The following DCLRE1A variants were observed in gnomAD, a reference collection of about 807,000 sequenced individuals.
DCLRE1A encodes the protein DNA cross-link repair 1A protein.
Under a neutral mutation model 91.9 loss-of-function variants are expected in DCLRE1A, and 64 were observed. The observed-to-expected ratio is 0.70, with a 90% CI of 0.57 to 0.86. The LOEUF is 0.86. Among genes scored for constraint, DCLRE1A ranks in the 40% least tolerant of loss-of-function variants. The pLI, the probability that DCLRE1A is intolerant of heterozygous loss-of-function variation, is 0.00. For synonymous variants in DCLRE1A, 416 were observed against 431.1 expected, an observed-to-expected ratio of 0.96 and a Z score of 0.43; for missense variants, 1,145 against 1,213.3, an observed-to-expected ratio of 0.94 and a Z score of 0.84.
intron 4 of DCLRE1A, among the ~76,000 whole-genome samples, chr10:113,845,328 C>T (rs1379427140): frequency 6.6e-6 from 1 of 152,082 alleles, no homozygotes; most frequent in East Asian, 1.9e-4. Context: ...GAATGGAATA[C>T]AAGCTGTTAA....
chr10:113,849,573 T>A lies in DCLRE1A; in HGVS notation c.1532A>T (p.Glu511Val), dbSNP rs1845604957. ...TGTAGCTTTACCAACTGGCACACCC[T>A]CTAATGCCTTTCTGCAGAAACATGC... ...NSACFCRKALEGVPVGKATIL... is the reference protein window; with the variant it reads ...NSACFCRKALVGVPVGKATIL... Residue 511 changes from glutamate (E) to valine (V), a missense_variant, in exon 2 of 9, where the codon GAG (glutamate) becomes GTG (valine). Physicochemically the swap from Glu to Val is moderately radical, Grantham distance 121. Coordinates refer to ENST00000361384, the MANE Select transcript of DCLRE1A (RefSeq NM_014881.5). The A allele has an allele frequency of 1.2e-6, 2 of 1,613,974 alleles. No individual in the cohort carries two copies. Among genetic ancestry groups the A allele is most frequent in the Middle Eastern group, 3.3e-4 (2 of 6,052 alleles).
intron 7 of DCLRE1A, among the ~76,000 whole-genome samples, chr10:113,838,294 AAAT>A (rs1845392959): frequency 6.6e-6 from 1 of 152,224 alleles, no homozygotes; most frequent in Non-Finnish European, 1.5e-5. Flanking sequence ...CAAAGAAAGA[AAAT>A]AATAAGAAAC....
At position 113,848,974 on chromosome 10, in the gene DCLRE1A, A is replaced by G; in HGVS notation, c.2125+6T>C. 3 of 1,606,486 alleles carry G rather than the reference A, an allele frequency of 1.9e-6. No individual in the cohort carries two copies. Among genetic ancestry groups the G allele is most frequent in the South Asian group, 1.1e-5 (1 of 89,852 alleles). On this transcript the variant is annotated splice_donor_region_variant and intron_variant, in intron 2 of 8. Transcript: ENST00000361384. The stretch of plus-strand genomic sequence containing the variant: ...TGATATATCGAGTATTGACATTTCA[A>G]CTTACCAGGTATTTTCTTATAGAAT...
chr10:113,837,230 G>T (rs753322402), intron 7 of DCLRE1A, 27 bp from the exon 8 acceptor site: 4 of 1,594,886 alleles, frequency 2.5e-6, no homozygotes, highest in Non-Finnish European at 3.4e-6. Context: ...GCATATTGAG[G>T]TCAATGGAGA....
At chr10:113,851,219 G>C (rs1389557112) in intron 1 of DCLRE1A, among the ~76,000 whole-genome samples, 2 of 152,128 alleles carry the variant, frequency 1.3e-5, no homozygotes, top group Admixed American at 1.3e-4. Context: ...TTCCATTCTT[G>C]ATTTTCAAGT....
intron 8 of DCLRE1A, among the ~76,000 whole-genome samples, chr10:113,835,796 G>T (rs964297847): frequency 6.6e-6 from 1 of 152,076 alleles, no homozygotes; most frequent in Non-Finnish European, 1.5e-5. Context: ...TTAGCCAGGC[G>T]TGGTGGCACA....
Position 113,835,107 on chromosome 10 carries a change from C to T in DCLRE1A, c.*45G>A. The T allele has an allele frequency of 6.4e-7, 1 of 1,564,038 alleles. No homozygotes were observed. The highest frequency in any genetic ancestry group is 1.4e-5 in the African/African-American group (1 of 73,116). On this transcript the variant is annotated 3_prime_UTR_variant, in exon 9 of 9. Transcript: ENST00000361384. ...TTCTATAGATTTAACTACTAACAAG[C>T]TACATCCAAGGAACTTAACTACTAC... is the stretch of plus-strand genomic sequence containing the variant.
intron 8 of DCLRE1A, among the ~76,000 whole-genome samples, chr10:113,836,271 A>G (rs2134643654): frequency 6.6e-6 from 1 of 152,316 alleles, no homozygotes; most frequent in South Asian, 2.1e-4. Flanking sequence ...TTGCGTGTAT[A>G]CTTAATAACA....
intron 4 of DCLRE1A, among the ~76,000 whole-genome samples, chr10:113,844,923 C>G (rs760699290): frequency 7.0e-6 from 1 of 143,874 alleles, no homozygotes; most frequent in African/African-American, 2.6e-5. Flanking sequence ...GCAAAAAAAG[C>G]GAAACTCTGT....
rs1340902120 is a variant in DCLRE1A at position 113,845,887 on chromosome 10, A to G, written c.2260-84T>C. Reference sequence around the variant, plus strand: ...ATCTAGTTTAGAACCATAGCATCTTAATAACATCCATTTTCCTACTTATAT... The same window carrying G: ...ATCTAGTTTAGAACCATAGCATCTTGATAACATCCATTTTCCTACTTATAT... On this transcript the variant is annotated intron_variant, in intron 3 of 8. Coordinates refer to ENST00000361384, the MANE Select transcript of DCLRE1A (RefSeq NM_014881.5). 6 of 1,099,716 alleles carry G rather than the reference A, an allele frequency of 5.5e-6. No homozygotes were observed. In the African/African-American group the frequency reaches 7.8e-5, roughly 14 times the overall value. The allele number at this position is 1,099,716 out of a possible 1,614,324, so 68.1% of individuals were successfully genotyped here. A position where few individuals can be genotyped will look rare whatever the true frequency, so the allele number is the denominator to read the frequency against.
At chr10:113,851,464 T>C (rs546149454) in intron 1 of DCLRE1A, among the ~76,000 whole-genome samples, 4 of 152,326 alleles carry the variant, frequency 2.6e-5, no homozygotes, top group Admixed American at 6.5e-5. Context: ...AAAAAATCCA[T>C]ATATGGAATA....
intron 1 of DCLRE1A, 106 bp from the exon 2 acceptor site, chr10:113,850,750 TATA>T: frequency 1.2e-6 from 1 of 866,630 alleles, no homozygotes; most frequent in Non-Finnish European, 1.7e-6. Context: ...CCACATTGCA[TATA>T]ATAAAAAGCA....
Position 113,852,706 on chromosome 10 carries a change from G to A in DCLRE1A, c.460+17C>T, listed in dbSNP as rs1315454507. The A allele has an allele frequency of 1.9e-6, 3 of 1,596,710 alleles. No homozygotes were observed. The highest frequency in any genetic ancestry group is 2.7e-5 in the African/African-American group (2 of 73,816). ...TTTTAGATTATTTAGAAACTACTAC[G>A]TTTTCTGCAGTCTTACCTGTTTCAG... On this transcript the variant is annotated intron_variant, in intron 1 of 8. Coordinates refer to ENST00000361384, the MANE Select transcript of DCLRE1A (RefSeq NM_014881.5).
At chr10:113,840,804 C>T (rs980054905) in intron 7 of DCLRE1A, among the ~76,000 whole-genome samples, 4 of 152,180 alleles carry the variant, frequency 2.6e-5, no homozygotes, top group Non-Finnish European at 5.9e-5. Context: ...TATTCAATTG[C>T]CAGGTGTCAA....
At position 113,853,797 on chromosome 10, in the gene DCLRE1A, TCA is replaced by T. The variant is rs1253889950; in HGVS notation, c.-617_-616del. Reference sequence around the variant, plus strand: ...CACGACTAGTGGATACTCAACCACTTCAGTTTCCCGCGACAGTCCATGATCTT... The same window carrying T: ...CACGACTAGTGGATACTCAACCACTTGTTTCCCGCGACAGTCCATGATCTT... On this transcript the variant is annotated 5_prime_UTR_variant, in exon 1 of 9. An upstream open reading frame in the 5' UTR loses its in-frame stop. Coordinates refer to ENST00000361384, the MANE Select transcript of DCLRE1A (RefSeq NM_014881.5). The T allele has an allele frequency of 1.3e-5, 2 of 152,272 alleles. No homozygotes were observed. The highest frequency in any genetic ancestry group is 2.9e-5 in the Non-Finnish European group (2 of 68,126). 9.4% of individuals were successfully genotyped at this position (152,272 alleles called of 1,614,324 possible).
chr10:113,842,449 C>T lies in DCLRE1A; in HGVS notation c.2559G>A (p.Glu853=). 4.3e-6 allele frequency: 7 copies of T among 1,613,870 alleles called. No homozygotes were observed. The highest frequency in any genetic ancestry group is 5.9e-6 in the Non-Finnish European group (7 of 1,179,832). The change falls in exon 6 of 9, where the codon GAG becomes GAA. Residue 853 remains glutamate (E), a synonymous_variant. Transcript: ENST00000361384. ...CAGTGTTGATGGCAAACCGGATAAC[C>T]TCTTGCTGAGATGGAAAGGTGTATT... ...SPEYTFPSQQ[E]VIRFAINTAF...
intron 3 of DCLRE1A, 81 bp downstream of exon 3, chr10:113,847,121 G>T: frequency 1.5e-6 from 2 of 1,311,190 alleles, no homozygotes; most frequent in South Asian, 1.8e-5. Context: ...GATCTTACTG[G>T]TTTAATTATT....
At position 113,849,818 on chromosome 10, in the gene DCLRE1A, T is replaced by C. The variant is rs1409708178; in HGVS notation, c.1287A>G (p.Lys429=). The change falls in exon 2 of 9, where the codon AAA becomes AAG. Residue 429 remains lysine (K), a synonymous_variant. Transcript: ENST00000361384. Reference sequence around the variant, plus strand: ...CTGAGTGAAATTCTGGCTCATCAGGTTTTGCTTTAGTTGCCTGATGAACAG... The same window carrying C: ...CTGAGTGAAATTCTGGCTCATCAGGCTTTGCTTTAGTTGCCTGATGAACAG... The part of the protein sequence containing the change: ...AASVHQATKA[K]PDEPEFHSAQ... The C allele has an allele frequency of 6.2e-7, 1 of 1,614,036 alleles. No homozygotes were observed. The highest frequency in any genetic ancestry group is 1.3e-5 in the African/African-American group (1 of 74,940).
At chr10:113,847,629 A>G (rs186657787) in intron 2 of DCLRE1A, among the ~76,000 whole-genome samples, 4 of 152,330 alleles carry the variant, frequency 2.6e-5, no homozygotes, top group Non-Finnish European at 5.9e-5. Flanking sequence ...TAATACTTTC[A>G]TAATACTTAG....
Sources: allele counts gnomAD v4.1 joint callset (sites outside exome capture counted in the v4.1 genomes callset), GRCh38; gene constraint gnomAD v4.1.1; transcripts MANE v1.5; gene names NCBI Gene and HGNC (gene_info 2026-07-23, HGNC 2026-07-21).